The following GRIK1 variants were observed in gnomAD, a reference collection of about 807,000 sequenced individuals.
GRIK1 encodes the protein glutamate ionotropic receptor kainate type subunit 1, also known as glutamate receptor ionotropic, kainate 1.
In GRIK1, 69 loss-of-function variants were observed where a neutral mutation model predicts 105.7. The observed-to-expected ratio is 0.65, with a 90% CI of 0.54 to 0.80. The LOEUF is 0.80. Ranked by LOEUF, GRIK1 falls within the 30% of genes least tolerant of loss-of-function variation. The pLI is 0.00. For synonymous variants in GRIK1, 438 were observed against 431.3 expected (o/e 1.02, Z -0.19); for missense variants, 1,109 against 1,167.3 (o/e 0.95, Z 0.73).
At chr21:29,918,015 T>G (rs1399170528) in intron 1 of GRIK1, among the ~76,000 whole-genome samples, 1 of 152,010 alleles carries the variant, frequency 6.6e-6, no homozygotes, top group South Asian at 2.1e-4. Flanking sequence ...AAAGATGAAC[T>G]AATAGATGAG....
rs183378090 is a variant in GRIK1, at chr21:29,719,076, A to G, written c.119-25013T>C. On this transcript the variant is annotated intron_variant, in intron 1 of 17. Transcript: ENST00000327783. ...TTACAGTAGAAAGGTGTGTGTGTGT[A>G]TATACATATATATATATATATATAT... Among the ~76,000 whole-genome samples the G allele has an allele frequency of 1.2e-3, 57 of 47,198 alleles. No homozygotes were observed. The Middle Eastern group carries it at 0.031, about 26-fold the overall frequency. 31.0% of individuals were successfully genotyped at this position (47,198 alleles called of 152,430 possible). A position where few individuals can be genotyped will look rare whatever the true frequency, so the allele number is the denominator to read the frequency against.
chr21:29,736,138 C>A lies in GRIK1; in HGVS notation c.119-42075G>T, dbSNP rs2146918595. 2.0e-5 allele frequency among the ~76,000 whole-genome samples: 3 copies of A among 152,260 alleles called. No homozygotes were observed. The South Asian group carries it at 6.2e-4, about 32-fold the overall frequency. On this transcript the variant is annotated intron_variant, in intron 1 of 17. Coordinates refer to ENST00000327783, the MANE Select transcript of GRIK1 (RefSeq NM_001330994.2). ...TCAGTTTCATTACCTGTGAAGCAGGCATTGTAGTATTGATCTCCTCAGAAA... is the reference window on the plus strand; with the variant it reads ...TCAGTTTCATTACCTGTGAAGCAGGAATTGTAGTATTGATCTCCTCAGAAA...
intron 1 of GRIK1, among the ~76,000 whole-genome samples, chr21:29,935,332 C>T (rs555613299): frequency 6.6e-5 from 10 of 152,278 alleles, no homozygotes; most frequent in African/African-American, 2.4e-4. Flanking sequence ...CCTCAAGGGG[C>T]AGATGCTGTC....
intron 16 of GRIK1, chr21:29,553,072 G>C (rs560788440): frequency 1.1e-5 from 2 of 177,736 alleles, no homozygotes; most frequent in Admixed American, 1.3e-4. Context: ...ATGGAGTTAT[G>C]TGTGTACTGT....
chr21:29,712,079 T>C (rs375714948), intron 1 of GRIK1, among the ~76,000 whole-genome samples: 6 of 30,344 alleles, frequency 2.0e-4, no homozygotes, highest in African/African-American at 3.7e-4. Context: ...TATGTATACA[T>C]ACATACACAC....
chr21:29,703,507 T>C (rs979072126), intron 1 of GRIK1, among the ~76,000 whole-genome samples: 3 of 152,218 alleles, frequency 2.0e-5, no homozygotes, highest in African/African-American at 7.2e-5. Context: ...TATAGGCCTA[T>C]ATTTACTGCA....
rs577480649 is a variant in GRIK1, at chr21:29,590,278, A to T, written c.1365+834T>A. On this transcript the variant is annotated intron_variant, in intron 10 of 17. Transcript: ENST00000327783. ...TTCCTTTGGATGAACAATTCTCACAAGTTAATAATATCAACAATAAATTGA... is the reference window on the plus strand; with the variant it reads ...TTCCTTTGGATGAACAATTCTCACATGTTAATAATATCAACAATAAATTGA... 4.6e-5 allele frequency among the ~76,000 whole-genome samples: 7 copies of T among 152,334 alleles called. 1 individual carries two copies. In the South Asian group the frequency reaches 1.4e-3, roughly 32 times the overall value.
chr21:29,904,692 C>A (rs999268661), intron 1 of GRIK1, among the ~76,000 whole-genome samples: 5 of 152,262 alleles, frequency 3.3e-5, no homozygotes, highest in Middle Eastern at 3.4e-3. Context: ...AGGATGGGCC[C>A]TTCTGAACTC....
chr21:29,936,742 T>C (rs182913554), intron 1 of GRIK1, among the ~76,000 whole-genome samples: 2 of 152,336 alleles, frequency 1.3e-5, no homozygotes, highest in East Asian at 3.9e-4. Context: ...CCCTCTCAAA[T>C]ATTCAGTATG....
At chr21:29,584,756 C>T (rs1441535149) in intron 12 of GRIK1, among the ~76,000 whole-genome samples, 2 of 152,098 alleles carry the variant, frequency 1.3e-5, no homozygotes, top group Non-Finnish European at 2.9e-5. Flanking sequence ...TTTTTCATGT[C>T]CACTTCCCTA....
At chr21:29,785,312 C>T (rs2066228461) in intron 1 of GRIK1, among the ~76,000 whole-genome samples, 1 of 152,102 alleles carries the variant, frequency 6.6e-6, no homozygotes, top group Non-Finnish European at 1.5e-5. Flanking sequence ...GCCGTAATCC[C>T]AGAATTTTGG....
chr21:29,555,347 A>G (rs2090225463), intron 15 of GRIK1, 45 bp from the exon 16 acceptor site: 1 of 1,559,160 alleles, frequency 6.4e-7, no homozygotes, highest in Non-Finnish European at 8.8e-7. Context: ...AATGTTGAAG[A>G]AGACATCCAG....
intron 6 of GRIK1, among the ~76,000 whole-genome samples, chr21:29,646,022 G>A (rs2062609849): frequency 6.6e-6 from 1 of 152,284 alleles, no homozygotes; most frequent in East Asian, 1.9e-4. Context: ...CCCTTGACTG[G>A]CTCTTGAGAG....
intron 1 of GRIK1, among the ~76,000 whole-genome samples, chr21:29,781,816 G>T (rs369143277): frequency 2.0e-5 from 3 of 147,952 alleles, no homozygotes; most frequent in Non-Finnish European, 3.0e-5. Context: ...GACTACAGGC[G>T]CCCGCCACCG....
chr21:29,931,525 T>G (rs2071562941), intron 1 of GRIK1, among the ~76,000 whole-genome samples: 1 of 152,210 alleles, frequency 6.6e-6, no homozygotes, highest in Admixed American at 6.5e-5. Flanking sequence ...CTGGCTCTTC[T>G]GCTGAGCAGA....
At chr21:29,885,060 T>C (rs975508033) in intron 1 of GRIK1, among the ~76,000 whole-genome samples, 4 of 152,106 alleles carry the variant, frequency 2.6e-5, no homozygotes, top group African/African-American at 9.7e-5. Flanking sequence ...ATGAGCTGCA[T>C]TTTAAAAACT....
intron 1 of GRIK1, among the ~76,000 whole-genome samples, chr21:29,788,530 G>A (rs1456579691): frequency 6.6e-6 from 1 of 152,192 alleles, no homozygotes; most frequent in African/African-American, 2.4e-5. Flanking sequence ...TTTGGCACCA[G>A]GGACTAGTTT....
chr21:29,716,806 GA>G (rs2064189068), intron 1 of GRIK1, among the ~76,000 whole-genome samples: 1 of 152,232 alleles, frequency 6.6e-6, no homozygotes, highest in African/African-American at 2.4e-5. Context: ...GTCCACTGCA[GA>G]AATTTGAATC....
rs1568813278 is a variant in GRIK1, at chr21:29,560,352, TTTC to T, written c.2356+1269_2356+1271del. Among the ~76,000 whole-genome samples, 8 of 104,682 alleles carry T rather than the reference TTTC, an allele frequency of 7.6e-5. 1 individual carries two copies. The highest frequency in any genetic ancestry group is 1.0e-4 in the Admixed American group (1 of 9,824). 68.7% of individuals were successfully genotyped at this position (104,682 alleles called of 152,430 possible). ...CTTTCTTTCTTTCTTTCTTTCTTTC[TTTC>T]TTTTTCTTTCTTCCTTCCTTCCTTC... On this transcript the variant is annotated intron_variant, in intron 15 of 17. Coordinates refer to ENST00000327783, the MANE Select transcript of GRIK1 (RefSeq NM_001330994.2).
Sources: gnomAD v4.1 joint callset for allele counts (sites outside exome capture counted in the v4.1 genomes callset) on GRCh38, gnomAD v4.1.1 for gene constraint, MANE v1.5 for transcripts, NCBI Gene and HGNC (gene_info 2026-07-23, HGNC 2026-07-21) for gene names.